The following DSCAM variants were observed in gnomAD, a reference collection of about 807,000 sequenced individuals.
DSCAM encodes the protein DS cell adhesion molecule.
A neutral mutation model predicts 217.7 loss-of-function variants in DSCAM; 47 were observed. That is an observed-to-expected ratio of 0.22 (90% CI 0.17 to 0.28). The LOEUF is 0.28. DSCAM is among the 10% of genes least tolerant of loss of function. The probability of loss-of-function intolerance (pLI) is 1.00; values close to 1 mark genes in which losing one functional copy is unlikely to be tolerated. For missense variants in DSCAM, 2,080 were observed against 2,618.3 expected (o/e 0.79, Z 4.49); for synonymous variants, 1,056 against 1,015.3 (o/e 1.04, Z -0.76).
chr21:40,821,560 T>C (rs559545656), intron 1 of DSCAM, among the ~76,000 whole-genome samples: 82 of 152,330 alleles, frequency 5.4e-4, no homozygotes, highest in African/African-American at 1.8e-3. Context: ...CTTTCTCCTC[T>C]ATGTTTATAT....
At chr21:40,792,126 T>C (rs12329653) in intron 1 of DSCAM, among the ~76,000 whole-genome samples, 41,508 of 94,822 alleles carry the variant, frequency 0.44, 7,490 homozygotes, top group South Asian at 0.55. Context: ...TCCTAATCTC[T>C]TCTTCTTCTT....
chr21:40,776,152 T>A (rs1049158822), intron 1 of DSCAM, among the ~76,000 whole-genome samples: 5 of 152,198 alleles, frequency 3.3e-5, no homozygotes, highest in Non-Finnish European at 7.3e-5. Flanking sequence ...TTCTCGATGA[T>A]GTTTTTATGT....
At chr21:40,554,505 T>C (rs1425854775) in intron 3 of DSCAM, among the ~76,000 whole-genome samples, 1 of 152,098 alleles carries the variant, frequency 6.6e-6, no homozygotes, top group Non-Finnish European at 1.5e-5. Flanking sequence ...TGAGCCAATT[T>C]CGACAGTCAT....
Position 40,339,238 on chromosome 21 carries a change from C to T in DSCAM, c.1388G>A (p.Gly463Glu). 2 of 1,614,168 alleles carry T rather than the reference C, an allele frequency of 1.2e-6. No homozygotes were observed. Among genetic ancestry groups the T allele is most frequent in the African/African-American group, 1.3e-5 (1 of 75,040 alleles). ...HRISQMITSE[G>E]NVVSYLNISS... is the part of the protein sequence containing the mutation. ...GATGTTCAGGTAGCTGACCACGTTC[C>T]CCTCCGACGTGATCATCTGGCTGAT... Residue 463 changes from glycine to glutamate, a missense_variant, in exon 7 of 33, where the codon GGG (glycine) becomes GAG (glutamate). Physicochemically the swap from Gly to Glu is moderately conservative, Grantham distance 98 (BLOSUM62 -2). Around this residue, in one of 5 missense-constraint regions of DSCAM, gnomAD observed 568 missense variants for 678.1 expected, o/e 0.84. Transcript: ENST00000400454.
chr21:40,498,276 A>G (rs2076135180), intron 3 of DSCAM, among the ~76,000 whole-genome samples: 1 of 152,092 alleles, frequency 6.6e-6, no homozygotes, highest in African/African-American at 2.4e-5. Context: ...GAGTAACCTT[A>G]AAGAGCTCAC....
At chr21:40,169,238 G>C (rs1414298610) in intron 15 of DSCAM, among the ~76,000 whole-genome samples, 1 of 152,096 alleles carries the variant, frequency 6.6e-6, no homozygotes, top group African/African-American at 2.4e-5. Context: ...GGCAGACACA[G>C]GTAAACTTAC....
intron 3 of DSCAM, among the ~76,000 whole-genome samples, chr21:40,686,259 CCA>C (rs1332965309): frequency 6.7e-6 from 1 of 148,978 alleles, no homozygotes; most frequent in African/African-American, 2.5e-5. Context: ...AGCACACACT[CCA>C]CACACACACC....
intron 28 of DSCAM, among the ~76,000 whole-genome samples, chr21:40,061,701 T>C (rs144670709): frequency 1.3e-3 from 203 of 152,308 alleles, no homozygotes; most frequent in African/African-American, 4.6e-3. Context: ...GCCAATGGCA[T>C]TCTACTACTG....
chr21:40,659,095 C>T (rs2090108102), intron 3 of DSCAM, among the ~76,000 whole-genome samples: 1 of 152,104 alleles, frequency 6.6e-6, no homozygotes, highest in African/African-American at 2.4e-5. Flanking sequence ...GGACAACCAT[C>T]AGTAACGCTG....
intron 3 of DSCAM, among the ~76,000 whole-genome samples, chr21:40,662,803 C>T (rs553369507): frequency 5.3e-5 from 8 of 152,120 alleles, no homozygotes; most frequent in East Asian, 1.9e-4. Flanking sequence ...CAGCACCCTG[C>T]GGGCATCTTG....
chr21:40,330,711 T>C (rs1221286275), intron 8 of DSCAM, among the ~76,000 whole-genome samples: 1 of 152,060 alleles, frequency 6.6e-6, no homozygotes, highest in Non-Finnish European at 1.5e-5. Context: ...AATGCATCCA[T>C]TTAAGTATAT....
intron 3 of DSCAM, among the ~76,000 whole-genome samples, chr21:40,647,657 A>G (rs1057471026): frequency 7.2e-5 from 11 of 152,238 alleles, no homozygotes; most frequent in Non-Finnish European, 1.0e-4. Flanking sequence ...TAAAAACTAT[A>G]TATTATTTGA....
intron 3 of DSCAM, among the ~76,000 whole-genome samples, chr21:40,527,736 A>G (rs932547587): frequency 2.0e-5 from 3 of 152,234 alleles, no homozygotes; most frequent in African/African-American, 7.2e-5. Flanking sequence ...CCTGGAATAA[A>G]TCCAGTATAA....
In DSCAM at chr21:40,460,335, A is replaced by T. The variant is rs533837021; in HGVS notation, c.509-91090T>A. 3.9e-5 allele frequency among the ~76,000 whole-genome samples: 6 copies of T among 152,296 alleles called. No homozygotes were observed. The East Asian group carries it at 1.2e-3, about 29-fold the overall frequency. Reference sequence around the variant, plus strand: ...TTGGAAGAAAAAAATAAAAATAAAAAATAAAAACAAGTTCCAGAGATACAA... The same window carrying T: ...TTGGAAGAAAAAAATAAAAATAAAATATAAAAACAAGTTCCAGAGATACAA... On this transcript the variant is annotated intron_variant, in intron 3 of 32. Transcript: ENST00000400454.
chr21:40,433,872 G>A (rs867978536), intron 3 of DSCAM, among the ~76,000 whole-genome samples: 2 of 152,200 alleles, frequency 1.3e-5, no homozygotes, highest in South Asian at 4.1e-4. Flanking sequence ...GTCACCTGAG[G>A]TAGATGATGT....
chr21:40,639,254 C>G (rs1479468827), intron 3 of DSCAM, among the ~76,000 whole-genome samples: 1 of 152,082 alleles, frequency 6.6e-6, no homozygotes, highest in South Asian at 2.1e-4. Flanking sequence ...GGATGAGGAG[C>G]CTATTTCTCT....
At chr21:40,613,627 G>T (rs367832969) in intron 3 of DSCAM, among the ~76,000 whole-genome samples, 321 of 152,120 alleles carry the variant, frequency 2.1e-3, no homozygotes, top group African/African-American at 7.2e-3. Context: ...TGTAAAAGTT[G>T]CCCTAGCATG....
chr21:40,161,995 C>T (rs1206452235), intron 16 of DSCAM, among the ~76,000 whole-genome samples: 3 of 152,148 alleles, frequency 2.0e-5, no homozygotes, highest in Admixed American at 2.0e-4. Flanking sequence ...ATGTAAATTT[C>T]ATATATCTTT....
At chr21:40,423,832 AG>A (rs2075447766) in intron 3 of DSCAM, among the ~76,000 whole-genome samples, 1 of 150,254 alleles carries the variant, frequency 6.7e-6, no homozygotes, top group East Asian at 1.9e-4. Flanking sequence ...GGCATTTCAT[AG>A]ATGTTCCTGC....
Sources: gnomAD v4.1 joint callset for allele counts (sites outside exome capture counted in the v4.1 genomes callset) on GRCh38, gnomAD v4.1.1 for gene constraint, gnomAD v4.1.1 regional missense constraint, MANE v1.5 for transcripts, NCBI Gene and HGNC (gene_info 2026-07-23, HGNC 2026-07-21) for gene names.